Variants in MNX1 observed in about 807,000 individuals in gnomAD.
The protein encoded by MNX1 is motor neuron and pancreas homeobox 1.
In MNX1, 2 loss-of-function variants were observed where a neutral mutation model predicts 17.3. That is an observed-to-expected ratio of 0.12 (90% confidence interval 0.05 to 0.36). MNX1 has a LOEUF of 0.36. Ranked by LOEUF, MNX1 falls within the 10% of genes least tolerant of loss-of-function variation. The probability of loss-of-function intolerance (pLI) is 1.00; values close to 1 mark genes in which losing one functional copy is unlikely to be tolerated. For synonymous variants in MNX1, 306 were observed against 283.1 expected (o/e 1.08, Z -0.81); for missense variants, 556 against 564.7 (o/e 0.98, Z 0.16).
At chr7:157,009,043 G>GT in intron 1 of MNX1, 1 of 1,537,056 alleles carries the variant, frequency 6.5e-7, no homozygotes, top group Non-Finnish European at 8.7e-7. Flanking sequence ...ACTGTTGAGA[G>GT]TCCCCCCATA....
Position 157,009,856 on chromosome 7 carries a change from G to A in MNX1, c.495C>T (p.Gly165=), listed in dbSNP as rs1449271826. The part of the protein sequence containing the change: ...QAALYGHPVY[G]YSAAAAAAAL... ...CAGCCGCCGCCGCCGCCGCGGAGTAGCCGTAGACCGGGTGGCCGTAGAGCG... is the reference window on the plus strand; with the variant it reads ...CAGCCGCCGCCGCCGCCGCGGAGTAACCGTAGACCGGGTGGCCGTAGAGCG... The change falls in exon 1 of 3, where the codon GGC becomes GGT. Residue 165 remains glycine (G), a synonymous_variant. Coordinates refer to ENST00000252971, the MANE Select transcript of MNX1 (RefSeq NM_005515.4). 4 of 1,490,442 alleles carry A rather than the reference G, an allele frequency of 2.7e-6. No individual in the cohort carries two copies. Among genetic ancestry groups the A allele is most frequent in the Admixed American group, 4.4e-5 (2 of 45,226 alleles). 92.3% of individuals were successfully genotyped at this position (1,490,442 alleles called of 1,614,324 possible). A position where few individuals can be genotyped will look rare whatever the true frequency, so the allele number is the denominator to read the frequency against.
rs1805674185 is a variant in MNX1 at position 157,009,799 on chromosome 7, G to A, written c.552C>T (p.Tyr184=). ...GCGCGCCTTGCACCTGCGGGTACGA[G>A]TAGGAGAGCGCCGGGTGCTGGCCCG... ...ALAGQHPALS[Y]SYPQVQGAHP... Residue 184 remains tyrosine, a synonymous_variant, in exon 1 of 3, where the codon TAC becomes TAT. Coordinates refer to ENST00000252971, the MANE Select transcript of MNX1 (RefSeq NM_005515.4). 3.2e-6 allele frequency: 5 copies of A among 1,558,850 alleles called. No individual in the cohort carries two copies. The highest frequency in any genetic ancestry group is 2.3e-4 in the Middle Eastern group (1 of 4,398).
chr7:157,009,664 G>A lies in MNX1; in HGVS notation c.687C>T (p.Phe229=), dbSNP rs1409326741. ...CGGGGGCCGCAGGGTACTCACAGTTGAAGTCGGGCATCTTAGGCAGGATCA... is the reference window on the plus strand; with the variant it reads ...CGGGGGCCGCAGGGTACTCACAGTTAAAGTCGGGCATCTTAGGCAGGATCA... ...AGMILPKMPD[F]NSQAQSNLLG... The change falls in exon 1 of 3, where the codon TTC becomes TTT. Residue 229 remains phenylalanine (F), a synonymous_variant. Coordinates refer to ENST00000252971, the MANE Select transcript of MNX1 (RefSeq NM_005515.4). 3 of 1,609,098 alleles carry A rather than the reference G, an allele frequency of 1.9e-6. No individual in the cohort carries two copies. Among genetic ancestry groups the A allele is most frequent in the Non-Finnish European group, 2.5e-6 (3 of 1,179,202 alleles).
At chr7:157,007,908 T>G (rs930906556) in intron 1 of MNX1, 1 of 152,132 alleles carries the variant, frequency 6.6e-6, no homozygotes, top group Admixed American at 6.6e-5. Context: ...GGAGGGACCA[T>G]TTGGGAAATG....
rs1466013821 is a variant in MNX1, at chr7:157,010,353, G to C, written c.-3C>G. On this transcript the variant is annotated 5_prime_UTR_variant, in exon 1 of 3. Transcript: ENST00000252971. ...CGGAAATTTTTGGATTTTTCCATCGGCTCGTTTGGGGCTGGCGCTCAGGGC... is the reference window on the plus strand; with the variant it reads ...CGGAAATTTTTGGATTTTTCCATCGCCTCGTTTGGGGCTGGCGCTCAGGGC... 6.4e-7 allele frequency: 1 copy of C among 1,574,726 alleles called. No homozygotes were observed. The highest frequency in any genetic ancestry group is 1.4e-5 in the African/African-American group (1 of 72,012).
At chr7:157,005,971 C>A in intron 2 of MNX1, 98 bp from the exon 3 acceptor site, 1 of 1,436,480 alleles carries the variant, frequency 7.0e-7, no homozygotes, top group South Asian at 1.2e-5. Flanking sequence ...CCCATTGGGT[C>A]GGCCCTGGAA....
rs973362479 is a variant in MNX1 at position 157,009,503 on chromosome 7, C to T, written c.691+157G>A. 1.7e-5 allele frequency: 24 copies of T among 1,442,346 alleles called. No homozygotes were observed. The African/African-American group carries it at 2.6e-4, about 16-fold the overall frequency. The allele number at this position is 1,442,346 out of a possible 1,614,324, so 89.3% of individuals were successfully genotyped here. On this transcript the variant is annotated intron_variant, in intron 1 of 2. Coordinates refer to ENST00000252971, the MANE Select transcript of MNX1 (RefSeq NM_005515.4). ...GCTGCCCGTCTCATGCCTGGGGGTC[C>T]GGGCGAGTCCTCGCAGGCCCCGGGC...
chr7:157,005,343 C>T lies in MNX1; in HGVS notation c.*177G>A, dbSNP rs890983791. The T allele has an allele frequency of 1.4e-4, 26 of 179,394 alleles. No homozygotes were observed. Among genetic ancestry groups the T allele is most frequent in the African/African-American group, 1.6e-4 (1 of 6,214 alleles). The allele number at this position is 179,394 out of a possible 1,614,324, so 11.1% of individuals were successfully genotyped here. On this transcript the variant is annotated 3_prime_UTR_variant, in exon 3 of 3. Coordinates refer to ENST00000252971, the MANE Select transcript of MNX1 (RefSeq NM_005515.4). ...GGCGCCCTTGCTTAAAAGGGAAGCG[C>T]CCAGGACCGGAGCCGCGGCCGAATC...
intron 1 of MNX1, chr7:157,008,327 C>A (rs1805642192): frequency 6.6e-6 from 1 of 152,276 alleles, no homozygotes; most frequent in Admixed American, 6.5e-5. Context: ...GGGTCGGCAC[C>A]CTGGGTTTAA....
At position 157,005,564 on chromosome 7, in the gene MNX1, C is replaced by G. The variant is rs753624821; in HGVS notation, c.1162G>C (p.Asp388His). 3 of 1,568,962 alleles carry G rather than the reference C, an allele frequency of 1.9e-6. No homozygotes were observed. Among genetic ancestry groups the G allele is most frequent in the Non-Finnish European group, 2.6e-6 (3 of 1,161,904 alleles). Residue 388 changes from aspartate (D) to histidine (H), a missense_variant, in exon 3 of 3, where the codon GAC (aspartate) becomes CAC (histidine). Asp to His is a moderately conservative substitution (Grantham distance 81). Coordinates refer to ENST00000252971, the MANE Select transcript of MNX1 (RefSeq NM_005515.4). ...TGGCTGGGCCGCGGGGGCGGCGAGT[C>G]GTCCTCCGAGGAGCAGTCGGAGGAG... is the stretch of plus-strand genomic sequence containing the variant. ...AASSDCSSED[D>H]SPPPRPSHQP...
rs1369055501 is a variant in MNX1, at chr7:157,005,604, G to A, written c.1122C>T (p.Ala374=). 2 of 1,604,256 alleles carry A rather than the reference G, an allele frequency of 1.2e-6. No individual in the cohort carries two copies. Among genetic ancestry groups the A allele is most frequent in the South Asian group, 1.1e-5 (1 of 89,642 alleles). Residue 374 remains alanine (A), a synonymous_variant, in exon 3 of 3, where the codon GCC becomes GCT. Transcript: ENST00000252971. ...AGTCGGAGGAGGCGGCGTGGACGCT[G>A]GCGCCGTTGCTGTAGGGGAAATGGT... The part of the protein sequence containing the change: ...DEDHFPYSNG[A]SVHAASSDCS...
At chr7:157,008,920 A>G in intron 1 of MNX1, 1 of 1,438,748 alleles carries the variant, frequency 7.0e-7, no homozygotes, top group Non-Finnish European at 9.4e-7. Flanking sequence ...ATGGAGAGGA[A>G]GCTGCCCGAA....
In MNX1 at chr7:157,006,237, C is replaced by G. The variant is rs1196351865; in HGVS notation, c.852+242G>C. 5.1e-6 allele frequency: 3 copies of G among 586,488 alleles called. No homozygotes were observed. Among genetic ancestry groups the G allele is most frequent in the East Asian group, 5.8e-5 (2 of 34,616 alleles). The allele number at this position is 586,488 out of a possible 1,614,324, so 36.3% of individuals were successfully genotyped here. ...CCTCTCTTTCTGGAACAAAATTTCT[C>G]GAATGCGGCCTGGGGATCACCTTCT... On this transcript the variant is annotated intron_variant, in intron 2 of 2. Transcript: ENST00000252971. This position sits in a 1 kb window ranked among gnomAD's most constrained non-coding sequence, Gnocchi z 6.3.
In MNX1 at chr7:157,006,196, T is replaced by C. The variant is rs1805595012; in HGVS notation, c.852+283A>G. 3.4e-6 allele frequency: 2 copies of C among 583,926 alleles called. No individual in the cohort carries two copies. The highest frequency in any genetic ancestry group is 6.1e-6 in the Non-Finnish European group (2 of 329,964). 36.2% of individuals were successfully genotyped at this position (583,926 alleles called of 1,614,324 possible). ...GGGCAGCTGGCTACGTCGCGGTAAA[T>C]CTCAGGATGTTCCCTCCTCTCTTTC... On this transcript the variant is annotated intron_variant, in intron 2 of 2. Coordinates refer to ENST00000252971, the MANE Select transcript of MNX1 (RefSeq NM_005515.4). This position sits in a 1 kb window ranked among gnomAD's most constrained non-coding sequence, Gnocchi z 6.3.
At position 157,005,466 on chromosome 7, in the gene MNX1, A is replaced by G; in HGVS notation, c.*54T>C. 1 of 1,205,178 alleles carries G rather than the reference A, an allele frequency of 8.3e-7. No homozygotes were observed. The highest frequency in any genetic ancestry group is 4.4e-5 in the Admixed American group (1 of 22,960). The allele number at this position is 1,205,178 out of a possible 1,614,324, so 74.7% of individuals were successfully genotyped here. A position where few individuals can be genotyped will look rare whatever the true frequency, so the allele number is the denominator to read the frequency against. ...GTGCGGGCGCCGGGGCCTCCGGGAG[A>G]AGCCGCCGGCCGGGGCGCTCCGTGC... On this transcript the variant is annotated 3_prime_UTR_variant, in exon 3 of 3. Coordinates refer to ENST00000252971, the MANE Select transcript of MNX1 (RefSeq NM_005515.4).
At position 157,005,560 on chromosome 7, in the gene MNX1, G is replaced by T. The variant is rs200578176; in HGVS notation, c.1166C>A (p.Ser389Ter). 1.3e-5 allele frequency: 21 copies of T among 1,561,546 alleles called. No homozygotes were observed. The highest frequency in any genetic ancestry group is 1.8e-5 in the Non-Finnish European group (21 of 1,158,638). The change falls in exon 3 of 3, where the codon TCG becomes TAG. Residue 389 changes from serine to a stop codon, truncating the protein, a stop_gained. Transcript: ENST00000252971. LOFTEE classifies it low-confidence loss of function (END_TRUNC). ...CTGGTGGCTGGGCCGCGGGGGCGGC[G>T]AGTCGTCCTCCGAGGAGCAGTCGGA... The part of the protein sequence containing the change: ...ASSDCSSEDD[S>*]PPPRPSHQPA...
rs1381380749 is a variant in MNX1 at position 157,005,663 on chromosome 7, C to T, written c.1063G>A (p.Asp355Asn). The change falls in exon 3 of 3, where the codon GAC becomes AAC. Residue 355 changes from aspartate (D) to asparagine (N), a missense_variant. Around this residue, in one of 7 missense-constraint regions of MNX1, gnomAD observed 178 missense variants for 155.2 expected, o/e 1.15. Transcript: ENST00000252971. Reference sequence around the variant, plus strand: ...TCCTCGTCCTCGTCCTCCTCGGGGTCACTGTCCCTCAAGTCCCGCAGGCGG... The same window carrying T: ...TCCTCGTCCTCGTCCTCCTCGGGGTTACTGTCCCTCAAGTCCCGCAGGCGG... ...GRRLRDLRDS[D>N]PEEDEDEDDE... The T allele has an allele frequency of 1.9e-6, 3 of 1,610,132 alleles. No homozygotes were observed. Among genetic ancestry groups the T allele is most frequent in the Non-Finnish European group, 2.5e-6 (3 of 1,179,154 alleles).
chr7:157,009,171 C>T (rs1230868787), intron 1 of MNX1: 5 of 1,480,340 alleles, frequency 3.4e-6, no homozygotes, highest in African/African-American at 1.4e-5. Flanking sequence ...CTTGCCTCCC[C>T]GGGCCTCCGA....
At position 157,005,506 on chromosome 7, in the gene MNX1, G is replaced by T. The variant is rs779003601; in HGVS notation, c.*14C>A. ...GCGCTCCGTGCGCGCCGCACCTGCT[G>T]GGCCGCGGGGCTCCTACTGGGGCGC... is the stretch of plus-strand genomic sequence containing the variant. On this transcript the variant is annotated 3_prime_UTR_variant, in exon 3 of 3. Coordinates refer to ENST00000252971, the MANE Select transcript of MNX1 (RefSeq NM_005515.4). The T allele has an allele frequency of 1.4e-6, 2 of 1,426,058 alleles. No homozygotes were observed. Among genetic ancestry groups the T allele is most frequent in the Non-Finnish European group, 1.8e-6 (2 of 1,096,944 alleles). 88.3% of individuals were successfully genotyped at this position (1,426,058 alleles called of 1,614,324 possible).
Sources: gnomAD v4.1 joint callset for allele counts on GRCh38, gnomAD v4.1.1 for gene constraint, gnomAD v4.1.1 regional missense constraint, Gnocchi (gnomAD v3.1) non-coding constraint, MANE v1.5 for transcripts, NCBI Gene and HGNC (gene_info 2026-07-23, HGNC 2026-07-21) for gene names.